The following NOPCHAP1 variants were observed in gnomAD, a reference collection of about 807,000 sequenced individuals.
NOPCHAP1 encodes the protein NOP protein chaperone 1, also known as DNA damage-sensitive RNA 1.
Under a neutral mutation model 14.0 loss-of-function variants are expected in NOPCHAP1, and 13 were observed. The ratio of observed to expected loss-of-function variants is 0.93; its 90% CI spans 0.60 to 1.47. NOPCHAP1 has a LOEUF of 1.47. Ranked by LOEUF, NOPCHAP1 falls within the 40% of genes most tolerant of loss-of-function variation. The pLI is 0.00. For missense variants in NOPCHAP1, 230 were observed against 226.9 expected (o/e 1.01, Z -0.09); for synonymous variants, 78 against 78.4 (o/e 1.00, Z 0.03).
Position 105,010,118 on chromosome 12 carries a change from A to G in NOPCHAP1, c.*15422A>G, listed in dbSNP as rs1195405971. On this transcript the variant is annotated 3_prime_UTR_variant, in exon 4 of 4. Transcript: ENST00000552951. Reference sequence around the variant, plus strand: ...CTGGGCTTTTTTTGGTTAGTAGTCTATTAGTTACTGCCTCAATTTCAGAAC... The same window carrying G: ...CTGGGCTTTTTTTGGTTAGTAGTCTGTTAGTTACTGCCTCAATTTCAGAAC... 1 of 152,106 alleles carries G rather than the reference A, an allele frequency of 6.6e-6. No individual in the cohort carries two copies. Among genetic ancestry groups the G allele is most frequent in the Non-Finnish European group, 1.5e-5 (1 of 68,010 alleles). The allele number at this position is 152,106 out of a possible 1,614,324, so 9.4% of individuals were successfully genotyped here.
chr12:104,987,684 A>G (rs1484114271), intron 1 of NOPCHAP1, among the ~76,000 whole-genome samples: 1 of 152,198 alleles, frequency 6.6e-6, no homozygotes, highest in Admixed American at 6.5e-5. Flanking sequence ...AAAATCCCCA[A>G]AAGGCTGCTT....
rs1294230985 is a variant in NOPCHAP1 at position 105,000,373 on chromosome 12, G to C, written c.*5677G>C. 6.6e-6 allele frequency: 1 copy of C among 152,190 alleles called. No individual in the cohort carries two copies. Among genetic ancestry groups the C allele is most frequent in the Non-Finnish European group, 1.5e-5 (1 of 68,032 alleles). 9.4% of individuals were successfully genotyped at this position (152,190 alleles called of 1,614,324 possible). A position where few individuals can be genotyped will look rare whatever the true frequency, so the allele number is the denominator to read the frequency against. ...GGAACTCAGAGAGGTGTTGGCATTAGTGGAGTTGTTTCCTGGTTTTTACCC... is the reference window on the plus strand; with the variant it reads ...GGAACTCAGAGAGGTGTTGGCATTACTGGAGTTGTTTCCTGGTTTTTACCC... On this transcript the variant is annotated 3_prime_UTR_variant, in exon 4 of 4. Coordinates refer to ENST00000552951, the MANE Select transcript of NOPCHAP1 (RefSeq NM_152318.3).
chr12:104,987,285 T>C (rs1873261589), intron 1 of NOPCHAP1, among the ~76,000 whole-genome samples: 1 of 152,220 alleles, frequency 6.6e-6, no homozygotes, highest in South Asian at 2.1e-4. Flanking sequence ...ACAACAACCC[T>C]TTGCAGAAAA....
Position 104,994,609 on chromosome 12 carries a change from C to G in NOPCHAP1, c.471C>G (p.Thr157=). 1.9e-6 allele frequency: 3 copies of G among 1,613,764 alleles called. No individual in the cohort carries two copies. In the South Asian group the frequency reaches 3.3e-5, roughly 18 times the overall value. ...ATGACAGCATCCCATCTGAAGTCAC[C>G]ATAGATAACATTAAGCTTCCCAATT... is the stretch of plus-strand genomic sequence containing the variant. ...DEDDSIPSEV[T]IDNIKLPNSE... The change falls in exon 4 of 4, where the codon ACC becomes ACG. Residue 157 remains threonine, a synonymous_variant. Coordinates refer to ENST00000552951, the MANE Select transcript of NOPCHAP1 (RefSeq NM_152318.3).
In NOPCHAP1 at chr12:104,994,367, TC is replaced by T. The variant is rs1481291396; in HGVS notation, c.340-109del. On this transcript the variant is annotated intron_variant, in intron 3 of 3. Transcript: ENST00000552951. Reference sequence around the variant, plus strand: ...GTCTCCAAAAAAAACCAAATTCTTATCCTTTATGTTTCAATATGTTTGCTGA... The same window carrying T: ...GTCTCCAAAAAAAACCAAATTCTTATCTTTATGTTTCAATATGTTTGCTGA... 21 of 1,053,792 alleles carry T rather than the reference TC, an allele frequency of 2.0e-5. 1 individual carries two copies. The highest frequency in any genetic ancestry group is 3.6e-5 in the Admixed American group (2 of 56,128). 65.3% of individuals were successfully genotyped at this position (1,053,792 alleles called of 1,614,324 possible).
chr12:105,015,080 G>A lies in NOPCHAP1; in HGVS notation c.*20384G>A, dbSNP rs1410829831. The A allele has an allele frequency of 6.6e-6, 1 of 152,148 alleles. No individual in the cohort carries two copies. Among genetic ancestry groups the A allele is most frequent in the Non-Finnish European group, 1.5e-5 (1 of 68,028 alleles). 9.4% of individuals were successfully genotyped at this position (152,148 alleles called of 1,614,324 possible). ...TGATTGCTGTGAAGATAATTATCCA[G>A]GTCCTTTCTGATCTTTCTTATTGGA... is the stretch of plus-strand genomic sequence containing the variant. On this transcript the variant is annotated 3_prime_UTR_variant, in exon 4 of 4. Coordinates refer to ENST00000552951, the MANE Select transcript of NOPCHAP1 (RefSeq NM_152318.3).
intron 3 of NOPCHAP1, 81 bp from the exon 4 acceptor site, chr12:104,994,397 T>C (rs1306844191): frequency 8.0e-7 from 1 of 1,247,416 alleles, no homozygotes; most frequent in Non-Finnish European, 1.2e-6. Flanking sequence ...TTGCTGAATG[T>C]TGGTTCTTCC....
At position 105,010,688 on chromosome 12, in the gene NOPCHAP1, T is replaced by C. The variant is rs1383953580; in HGVS notation, c.*15992T>C. The C allele has an allele frequency of 6.6e-6, 1 of 152,216 alleles. No homozygotes were observed. Among genetic ancestry groups the C allele is most frequent in the African/African-American group, 2.4e-5 (1 of 41,452 alleles). 9.4% of individuals were successfully genotyped at this position (152,216 alleles called of 1,614,324 possible). A position where few individuals can be genotyped will look rare whatever the true frequency, so the allele number is the denominator to read the frequency against. ...CTGGTATGTTGTGTCTTTGTTCTCA[T>C]TGGTTTCAAATAATTTATTTATTTC... On this transcript the variant is annotated 3_prime_UTR_variant, in exon 4 of 4. Transcript: ENST00000552951.
At position 104,986,460 on chromosome 12, in the gene NOPCHAP1, C is replaced by T. The variant is rs374836017; in HGVS notation, c.108C>T (p.Gly36=). 7 of 1,600,892 alleles carry T rather than the reference C, an allele frequency of 4.4e-6. No homozygotes were observed. Among genetic ancestry groups the T allele is most frequent in the African/African-American group, 1.3e-5 (1 of 74,532 alleles). ...SKELLTAGSD[G]RGGIWDRLLI... ...AGCTGCTGACGGCGGGAAGCGACGG[C>T]CGCGGAGGTGACGGACGGGTGACGG... Residue 36 remains glycine (G), a synonymous_variant, in exon 1 of 4, where the codon GGC becomes GGT. Coordinates refer to ENST00000552951, the MANE Select transcript of NOPCHAP1 (RefSeq NM_152318.3).
chr12:104,993,655 A>G (rs769801537), intron 3 of NOPCHAP1, among the ~76,000 whole-genome samples: 7 of 152,214 alleles, frequency 4.6e-5, no homozygotes, highest in African/African-American at 1.7e-4. Flanking sequence ...TGAGAATTTC[A>G]TATAATTTTC....
At position 105,001,541 on chromosome 12, in the gene NOPCHAP1, ACT is replaced by A. The variant is rs1280277317; in HGVS notation, c.*6848_*6849del. On this transcript the variant is annotated 3_prime_UTR_variant, in exon 4 of 4. Coordinates refer to ENST00000552951, the MANE Select transcript of NOPCHAP1 (RefSeq NM_152318.3). ...AGTTCTGGTTCAGGAGAGTCAGGAA[ACT>A]CTAAGATTATTTGTCCCTCTGAAAG... 1 of 152,116 alleles carries A rather than the reference ACT, an allele frequency of 6.6e-6. No homozygotes were observed. The highest frequency in any genetic ancestry group is 1.5e-5 in the Non-Finnish European group (1 of 68,004). The allele number at this position is 152,116 out of a possible 1,614,324, so 9.4% of individuals were successfully genotyped here.
intron 1 of NOPCHAP1, among the ~76,000 whole-genome samples, chr12:104,986,705 A>C (rs1373018350): frequency 1.3e-5 from 2 of 152,170 alleles, no homozygotes; most frequent in Admixed American, 6.5e-5. Context: ...ATATTCTGCA[A>C]GGTAGTGAGC....
rs1008826743 is a variant in NOPCHAP1 at position 105,002,426 on chromosome 12, A to T, written c.*7730A>T. On this transcript the variant is annotated 3_prime_UTR_variant, in exon 4 of 4. Coordinates refer to ENST00000552951, the MANE Select transcript of NOPCHAP1 (RefSeq NM_152318.3). ...AGTTAATCCTGTTTCAGGCACTGCCAGAAGTATCCCTTGGTGTATTGGAAC... is the reference window on the plus strand; with the variant it reads ...AGTTAATCCTGTTTCAGGCACTGCCTGAAGTATCCCTTGGTGTATTGGAAC... 1 of 152,228 alleles carries T rather than the reference A, an allele frequency of 6.6e-6. No individual in the cohort carries two copies. The highest frequency in any genetic ancestry group is 6.5e-5 in the Admixed American group (1 of 15,288). 9.4% of individuals were successfully genotyped at this position (152,228 alleles called of 1,614,324 possible). A position where few individuals can be genotyped will look rare whatever the true frequency, so the allele number is the denominator to read the frequency against.
rs903320796 is a variant in NOPCHAP1 at position 105,009,343 on chromosome 12, G to T, written c.*14647G>T. 2.6e-5 allele frequency: 4 copies of T among 152,166 alleles called. No homozygotes were observed. The highest frequency in any genetic ancestry group is 5.9e-5 in the Non-Finnish European group (4 of 68,032). 9.4% of individuals were successfully genotyped at this position (152,166 alleles called of 1,614,324 possible). ...GTATCCTGAGACTTTTGCTGAAATT[G>T]CTTATCAGCTTAAGGAGTTTTTGGG... On this transcript the variant is annotated 3_prime_UTR_variant, in exon 4 of 4. Coordinates refer to ENST00000552951, the MANE Select transcript of NOPCHAP1 (RefSeq NM_152318.3).
chr12:105,012,796 T>G lies in NOPCHAP1; in HGVS notation c.*18100T>G, dbSNP rs1873859467. The G allele has an allele frequency of 6.6e-6, 1 of 152,628 alleles. No homozygotes were observed. The highest frequency in any genetic ancestry group is 2.1e-4 in the South Asian group (1 of 4,838). 9.5% of individuals were successfully genotyped at this position (152,628 alleles called of 1,614,324 possible). ...AGGTCCACTCCAGACCCTGTTTACC[T>G]GGGTATCACCAGCAGAGGCTGCAGA... On this transcript the variant is annotated 3_prime_UTR_variant, in exon 4 of 4. Coordinates refer to ENST00000552951, the MANE Select transcript of NOPCHAP1 (RefSeq NM_152318.3).
intron 1 of NOPCHAP1, among the ~76,000 whole-genome samples, chr12:104,987,614 A>T (rs987747509): frequency 4.6e-5 from 7 of 152,116 alleles, no homozygotes; most frequent in African/African-American, 1.7e-4. Context: ...CTCTGATGGG[A>T]TAGAGAGTTG....
rs531391586 is a variant in NOPCHAP1 at position 105,014,019 on chromosome 12, C to T, written c.*19323C>T. 9.2e-5 allele frequency: 14 copies of T among 152,252 alleles called. No individual in the cohort carries two copies. Among genetic ancestry groups the T allele is most frequent in the Non-Finnish European group, 1.6e-4 (11 of 68,050 alleles). The allele number at this position is 152,252 out of a possible 1,614,324, so 9.4% of individuals were successfully genotyped here. A position where few individuals can be genotyped will look rare whatever the true frequency, so the allele number is the denominator to read the frequency against. On this transcript the variant is annotated 3_prime_UTR_variant, in exon 4 of 4. Coordinates refer to ENST00000552951, the MANE Select transcript of NOPCHAP1 (RefSeq NM_152318.3). The stretch of plus-strand genomic sequence containing the variant: ...ACTTTTTACTGTGATAGGCAATTTA[C>T]TGCAGAGAGGAACTGTTCACACAGA...
Position 105,012,942 on chromosome 12 carries a change from C to G in NOPCHAP1, c.*18246C>G, listed in dbSNP as rs1873863013. On this transcript the variant is annotated 3_prime_UTR_variant, in exon 4 of 4. Transcript: ENST00000552951. ...GTCAACCTCTGCTGGGAGGTGTCTC[C>G]CAGTCAGTAGGCATAGGGGTCAAGG... 1 of 152,328 alleles carries G rather than the reference C, an allele frequency of 6.6e-6. No individual in the cohort carries two copies. 9.4% of individuals were successfully genotyped at this position (152,328 alleles called of 1,614,324 possible).
At chr12:104,987,672 AC>A (rs1370059649) in intron 1 of NOPCHAP1, among the ~76,000 whole-genome samples, 1 of 152,192 alleles carries the variant, frequency 6.6e-6, no homozygotes, top group Non-Finnish European at 1.5e-5. Flanking sequence ...AGAGTGGGTG[AC>A]AAAATCCCCA....
Sources: gnomAD v4.1 joint callset for allele counts (sites outside exome capture counted in the v4.1 genomes callset) on GRCh38, gnomAD v4.1.1 for gene constraint, MANE v1.5 for transcripts, NCBI Gene and HGNC (gene_info 2026-07-23, HGNC 2026-07-21) for gene names.